KSR2: variants seen among roughly 807,000 people sequenced by gnomAD.
The protein encoded by KSR2 is kinase suppressor of ras 2.
Under a neutral mutation model 107.8 loss-of-function variants are expected in KSR2, and 25 were observed. The ratio of observed to expected loss-of-function variants is 0.23; its 90% CI spans 0.17 to 0.32. KSR2 has a LOEUF of 0.32. KSR2 is among the 10% of genes least tolerant of loss of function. KSR2 has a pLI of 1.00. For missense variants in KSR2, 887 were observed against 1,268.9 expected, an observed-to-expected ratio of 0.70 and a Z score of 4.57; for synonymous variants, 480 against 507.0, an observed-to-expected ratio of 0.95 and a Z score of 0.71.
chr12:117,765,803 A>G (rs1399329227), intron 3 of KSR2, among the ~76,000 whole-genome samples: 2 of 152,198 alleles, frequency 1.3e-5, no homozygotes. Context: ...ATTTGAGCAG[A>G]TATCAGAGTG....
rs940865704 is a variant in KSR2, at chr12:117,456,324, G to C, written c.*10875C>G. The C allele has an allele frequency of 1.3e-5, 2 of 152,376 alleles. No individual in the cohort carries two copies. The highest frequency in any genetic ancestry group is 2.4e-5 in the African/African-American group (1 of 41,442). The allele number at this position is 152,376 out of a possible 1,614,324, so 9.4% of individuals were successfully genotyped here. A position where few individuals can be genotyped will look rare whatever the true frequency, so the allele number is the denominator to read the frequency against. On this transcript the variant is annotated 3_prime_UTR_variant, in exon 20 of 20. Transcript: ENST00000339824. ...GAGGGAAAGGGGGCCGGGGCAGGGGGCCTCGGTGTGGCAGGGCAAGTACCT... is the reference window on the plus strand; with the variant it reads ...GAGGGAAAGGGGGCCGGGGCAGGGGCCCTCGGTGTGGCAGGGCAAGTACCT...
intron 6 of KSR2, 84 bp downstream of exon 6, chr12:117,582,206 C>CTAG: frequency 8.6e-7 from 1 of 1,163,608 alleles, no homozygotes; most frequent in Non-Finnish European, 1.3e-6. Context: ...GCCTAGCCTT[C>CTAG]TCTCACCCCA....
chr12:117,902,130 C>T (rs1038473404), intron 1 of KSR2, among the ~76,000 whole-genome samples: 4 of 152,072 alleles, frequency 2.6e-5, no homozygotes, highest in East Asian at 1.9e-4. Flanking sequence ...TGAAAATTCT[C>T]GATGTAGTAA....
In KSR2 at chr12:117,565,909, G is replaced by A. The variant is rs73210201; in HGVS notation, c.1326-7336C>T. Reference sequence around the variant, plus strand: ...CAGACTGCAATCAAGTTTAAGACTTGAAGTTTAAGACTCTTTTTAACTGTT... The same window carrying A: ...CAGACTGCAATCAAGTTTAAGACTTAAAGTTTAAGACTCTTTTTAACTGTT... On this transcript the variant is annotated intron_variant, in intron 7 of 19. Transcript: ENST00000339824. 4.1e-3 allele frequency among the ~76,000 whole-genome samples: 622 copies of A among 152,260 alleles called. 1 individual carries two copies. The highest frequency in any genetic ancestry group is 5.8e-3 in the Non-Finnish European group (392 of 68,006).
chr12:117,478,721 T>C (rs1319258545), intron 16 of KSR2, among the ~76,000 whole-genome samples: 1 of 152,158 alleles, frequency 6.6e-6, no homozygotes, highest in Non-Finnish European at 1.5e-5. Context: ...TCCCAAAGTA[T>C]TGAGATTATA....
At chr12:117,695,095 C>T (rs924220127) in intron 4 of KSR2, among the ~76,000 whole-genome samples, 5 of 152,072 alleles carry the variant, frequency 3.3e-5, no homozygotes, top group East Asian at 1.9e-4. Flanking sequence ...GTGATCTGCC[C>T]GCCTCGGCCT....
At chr12:117,786,402 G>GT (rs1890076594) in intron 3 of KSR2, among the ~76,000 whole-genome samples, 1 of 152,184 alleles carries the variant, frequency 6.6e-6, no homozygotes, top group South Asian at 2.1e-4. Context: ...TGTCATGGGA[G>GT]TTTGTTGTAC....
At chr12:117,822,364 C>T (rs1891594899) in intron 3 of KSR2, among the ~76,000 whole-genome samples, 1 of 152,134 alleles carries the variant, frequency 6.6e-6, no homozygotes, top group Admixed American at 6.6e-5. Context: ...GGTCTGGACC[C>T]AGACCCCTTT....
chr12:117,455,226 G>A lies in KSR2; in HGVS notation c.*11973C>T, dbSNP rs545238205. ...GAGCATGCTGGGGAAAGAAGTCAAG[G>A]TCTCCACATCTGAGCCAGGGCACCC... On this transcript the variant is annotated 3_prime_UTR_variant, in exon 20 of 20. Coordinates refer to ENST00000339824, the MANE Select transcript of KSR2 (RefSeq NM_173598.6). 6.6e-6 allele frequency: 1 copy of A among 152,364 alleles called. No individual in the cohort carries two copies. The highest frequency in any genetic ancestry group is 1.9e-4 in the East Asian group (1 of 5,178). The allele number at this position is 152,364 out of a possible 1,614,324, so 9.4% of individuals were successfully genotyped here.
intron 1 of KSR2, among the ~76,000 whole-genome samples, chr12:117,942,867 T>C (rs1896053126): frequency 1.3e-5 from 2 of 152,284 alleles, no homozygotes; most frequent in South Asian, 4.2e-4. Context: ...TTATTAAGGC[T>C]GTGTTTATGA....
intron 3 of KSR2, among the ~76,000 whole-genome samples, chr12:117,831,623 C>T (rs1207663938): frequency 1.3e-5 from 2 of 152,192 alleles, no homozygotes; most frequent in African/African-American, 4.8e-5. Flanking sequence ...ATAATAATAA[C>T]AGCAAGGTAT....
rs111829484 is a variant in KSR2, at chr12:117,640,554, G to A, written c.1171+26920C>T. The stretch of plus-strand genomic sequence containing the variant: ...GGTGTGAGCCACCGTGCCCAGCCTT[G>A]ATGAAGCTCTTTTAACTGGGAAAAT... On this transcript the variant is annotated intron_variant, in intron 5 of 19. Coordinates refer to ENST00000339824, the MANE Select transcript of KSR2 (RefSeq NM_173598.6). Among the ~76,000 whole-genome samples the A allele has an allele frequency of 3.9e-3, 597 of 152,240 alleles. 4 individuals are homozygous for A. Among genetic ancestry groups the A allele is most frequent in the African/African-American group, 0.014 (562 of 41,542 alleles).
intron 1 of KSR2, among the ~76,000 whole-genome samples, chr12:117,941,076 T>C (rs189212295): frequency 6.6e-6 from 1 of 152,082 alleles, no homozygotes; most frequent in East Asian, 1.9e-4. Context: ...CAGAGCAAGA[T>C]TGTGTCTCAA....
intron 1 of KSR2, among the ~76,000 whole-genome samples, chr12:117,882,476 A>T (rs1894055719): frequency 6.6e-6 from 1 of 152,136 alleles, no homozygotes. Context: ...GGTTACAGGG[A>T]TCTGAGAACT....
intron 3 of KSR2, among the ~76,000 whole-genome samples, chr12:117,806,598 C>G (rs1891016093): frequency 6.6e-6 from 1 of 152,186 alleles, no homozygotes; most frequent in Non-Finnish European, 1.5e-5. Context: ...ACCACCACCT[C>G]TATCTACTTA....
chr12:117,760,611 G>GGTTGGCAAAC (rs1888967494), intron 4 of KSR2, among the ~76,000 whole-genome samples: 1 of 152,100 alleles, frequency 6.6e-6, no homozygotes, highest in Non-Finnish European at 1.5e-5. Flanking sequence ...ACTCTGCAGG[G>GGTTGGCAAAC]GTTGGCAAAC....
chr12:117,469,677 A>C lies in KSR2; in HGVS notation c.2831T>G (p.Phe944Cys), dbSNP rs776645166. 7 of 1,613,020 alleles carry C rather than the reference A, an allele frequency of 4.3e-6. No individual in the cohort carries two copies. The Admixed American group carries it at 1.0e-4, about 23-fold the overall frequency. Residue 944 changes from phenylalanine (F) to cysteine (C), a missense_variant, in exon 19 of 20, where the codon TTC becomes TGC. By Grantham distance (205) the Phe-to-Cys change is radical. This residue lies in a region of KSR2 where 308 missense variants were observed against 506.2 expected (regional missense o/e 0.61). Coordinates refer to ENST00000339824, the MANE Select transcript of KSR2 (RefSeq NM_173598.6). The part of the protein sequence containing the change: ...RNRRLSHPGH[F>C]WKSAEL The stretch of plus-strand genomic sequence containing the variant: ...GAAAACCTACTCTGCAGACTTCCAG[A>C]AATGTCCAGGGTGAGACAGGCGACG...
At chr12:117,707,582 TG>T (rs1352222661) in intron 4 of KSR2, among the ~76,000 whole-genome samples, 1 of 152,084 alleles carries the variant, frequency 6.6e-6, no homozygotes, top group Non-Finnish European at 1.5e-5. Flanking sequence ...GGGTGGGATA[TG>T]AGGAATAAGA....
At chr12:117,562,767 G>C (rs1233436862) in intron 7 of KSR2, among the ~76,000 whole-genome samples, 4 of 152,004 alleles carry the variant, frequency 2.6e-5, no homozygotes, top group Non-Finnish European at 5.9e-5. Context: ...CTTGACCTCT[G>C]TCCCAGGAGT....
Sources: allele counts gnomAD v4.1 joint callset (sites outside exome capture counted in the v4.1 genomes callset), GRCh38; gene constraint gnomAD v4.1.1; regional missense constraint gnomAD v4.1.1; transcripts MANE v1.5; gene names NCBI Gene and HGNC (gene_info 2026-07-23, HGNC 2026-07-21).